Variants in ZNF654 observed in about 807,000 individuals in gnomAD.
ZNF654 encodes zinc finger protein 654.
ZNF654 carries 19 observed loss-of-function variants against 95.3 expected under a neutral mutation model. The ratio of observed to expected loss-of-function variants is 0.20; its 90% CI spans 0.14 to 0.29. The LOEUF (loss-of-function observed/expected upper bound fraction) is 0.29, where lower values mean the gene tolerates loss of function less well. Ranked by LOEUF, ZNF654 falls within the 10% of genes least tolerant of loss-of-function variation. The pLI is 1.00. For missense variants in ZNF654, 1,046 were observed against 1,341.0 expected, an observed-to-expected ratio of 0.78 and a Z score of 3.44; for synonymous variants, 413 against 457.9, an observed-to-expected ratio of 0.90 and a Z score of 1.25.
intron 2 of ZNF654, among the ~76,000 whole-genome samples, chr3:88,110,754 A>G (rs143842832): frequency 1.4e-3 from 206 of 152,272 alleles, no homozygotes; most frequent in African/African-American, 4.8e-3. Context: ...AGGAAATACA[A>G]CAGGTTGGAA....
At chr3:88,070,059 T>C (rs775810967) in intron 1 of ZNF654, among the ~76,000 whole-genome samples, 8 of 152,198 alleles carry the variant, frequency 5.3e-5, no homozygotes, top group Non-Finnish European at 1.2e-4. Context: ...TATTCCATGC[T>C]CATGAGAGTA....
At chr3:88,066,264 A>G (rs2107598125) in intron 1 of ZNF654, among the ~76,000 whole-genome samples, 1 of 152,310 alleles carries the variant, frequency 6.6e-6, no homozygotes, top group South Asian at 2.1e-4. Context: ...ATAACCACTC[A>G]CTACATTGCT....
chr3:88,119,736 T>C (rs1483379981), intron 3 of ZNF654, among the ~76,000 whole-genome samples: 9 of 152,066 alleles, frequency 5.9e-5, no homozygotes, highest in African/African-American at 2.2e-4. Context: ...TCAAGGCCTG[T>C]GTTAGGATGA....
intron 2 of ZNF654, among the ~76,000 whole-genome samples, chr3:88,101,133 G>C (rs764328551): frequency 8.6e-5 from 13 of 152,038 alleles, no homozygotes; most frequent in Admixed American, 2.0e-4. Context: ...TTATTAAAAA[G>C]TATAAAATCC....
chr3:88,138,753 C>T lies in ZNF654; in HGVS notation c.1084C>T (p.Leu362=), dbSNP rs771559548. The T allele has an allele frequency of 9.9e-5, 122 of 1,231,862 alleles. No individual in the cohort carries two copies. The highest frequency in any genetic ancestry group is 1.2e-4 in the Non-Finnish European group (121 of 987,890). 76.3% of individuals were successfully genotyped at this position (1,231,862 alleles called of 1,614,324 possible). A position where few individuals can be genotyped will look rare whatever the true frequency, so the allele number is the denominator to read the frequency against. ...TTGTGTTGAAATATGTGGTTGTGCT[C>T]TACAACTCGACCTTCATGATGATCC... ...QICVEICGCA[L]QLDLHDDPKT... Residue 362 remains leucine (L), a synonymous_variant, in exon 8 of 9, where the codon CTA becomes TTA. Coordinates refer to ENST00000636215, the MANE Select transcript of ZNF654 (RefSeq NM_001350134.2).
chr3:88,138,965 T>G lies in ZNF654; in HGVS notation c.1296T>G (p.Arg432=). ...AAGGCACAAGTAGTGTTCAAAATCG[T>G]GTTCGTTTTGAATTGCTTCCAATTT... ...YNEGTSSVQN[R]VRFELLPILK... is the part of the protein sequence containing the mutation. Residue 432 remains arginine, a synonymous_variant, in exon 8 of 9, where the codon CGT becomes CGG. Coordinates refer to ENST00000636215, the MANE Select transcript of ZNF654 (RefSeq NM_001350134.2). 8.0e-7 allele frequency: 1 copy of G among 1,245,866 alleles called. No homozygotes were observed. 77.2% of individuals were successfully genotyped at this position (1,245,866 alleles called of 1,614,324 possible). A position where few individuals can be genotyped will look rare whatever the true frequency, so the allele number is the denominator to read the frequency against.
intron 1 of ZNF654, among the ~76,000 whole-genome samples, chr3:88,074,314 C>T (rs1455352902): frequency 6.8e-6 from 1 of 147,076 alleles, no homozygotes; most frequent in Non-Finnish European, 1.5e-5. Context: ...AAGGAGAATT[C>T]TTTAACTTCC....
At chr3:88,059,526 C>T in intron 1 of ZNF654, 21 bp downstream of exon 1, 2 of 1,459,464 alleles carry the variant, frequency 1.4e-6, no homozygotes, top group Non-Finnish European at 1.8e-6. Flanking sequence ...CGTTGGCCGC[C>T]CCGACTTGTC....
intron 3 of ZNF654, among the ~76,000 whole-genome samples, chr3:88,115,676 G>A (rs991306303): frequency 1.3e-5 from 2 of 152,006 alleles, no homozygotes; most frequent in African/African-American, 2.4e-5. Flanking sequence ...TTTCCTCTCC[G>A]TTATTTCTAG....
At chr3:88,082,582 G>A (rs142441506) in intron 1 of ZNF654, among the ~76,000 whole-genome samples, 1 of 152,324 alleles carries the variant, frequency 6.6e-6, no homozygotes, top group African/African-American at 2.4e-5. Context: ...TAATACGGAC[G>A]TGAATAGCCA....
chr3:88,093,161 T>C (rs1293724002), intron 2 of ZNF654, among the ~76,000 whole-genome samples: 1 of 152,210 alleles, frequency 6.6e-6, no homozygotes, highest in South Asian at 2.1e-4. Context: ...TGGGGGACTT[T>C]TGCAAATTGA....
At chr3:88,060,149 G>A (rs919256454) in intron 1 of ZNF654, among the ~76,000 whole-genome samples, 1 of 151,898 alleles carries the variant, frequency 6.6e-6, no homozygotes, top group African/African-American at 2.4e-5. Flanking sequence ...GTTGACACAC[G>A]CACTCTTTTC....
rs1354159356 is a variant in ZNF654 at position 88,129,747 on chromosome 3, G to A, written c.814G>A (p.Gly272Ser). ...TATCATCTGTAATGCTGAAAAAGAA[G>A]GCAAAACTATGTTAGCCTTGCAACT... ...IDIICNAEKE[G>S]KTMLALQLCE... Residue 272 changes from glycine to serine, a missense_variant, in exon 6 of 9, where the codon GGC becomes AGC. Gly to Ser is a moderately conservative substitution (Grantham distance 56, BLOSUM62 0). Around this residue, in one of 9 missense-constraint regions of ZNF654, gnomAD observed 121 missense variants for 141.7 expected, o/e 0.85. Transcript: ENST00000636215. 1 of 1,528,710 alleles carries A rather than the reference G, an allele frequency of 6.5e-7. No homozygotes were observed. The highest frequency in any genetic ancestry group is 8.8e-7 in the Non-Finnish European group (1 of 1,141,884). 94.7% of individuals were successfully genotyped at this position (1,528,710 alleles called of 1,614,324 possible).
chr3:88,119,937 A>G (rs1434488791), intron 3 of ZNF654, among the ~76,000 whole-genome samples: 5 of 152,196 alleles, frequency 3.3e-5, no homozygotes, highest in Non-Finnish European at 5.9e-5. Flanking sequence ...AAACTCTGCT[A>G]ATTAAAAGTA....
chr3:88,104,877 G>A lies in ZNF654; in HGVS notation c.333-8238G>A, dbSNP rs144899785. On this transcript the variant is annotated intron_variant, in intron 2 of 8. Coordinates refer to ENST00000636215, the MANE Select transcript of ZNF654 (RefSeq NM_001350134.2). ...AATTCATCCAGGCACAGTGGCTTAC[G>A]CCTGTAATCCCAGCACTTTGGAAGG... Among the ~76,000 whole-genome samples, 336 of 152,296 alleles carry A rather than the reference G, an allele frequency of 2.2e-3. 1 individual carries two copies. The highest frequency in any genetic ancestry group is 4.2e-3 in the Non-Finnish European group (285 of 68,018).
chr3:88,092,599 A>G (rs1703809758), intron 2 of ZNF654, among the ~76,000 whole-genome samples: 1 of 152,180 alleles, frequency 6.6e-6, no homozygotes, highest in Admixed American at 6.5e-5. Flanking sequence ...ACAGATTTCA[A>G]TATATTTATT....
intron 4 of ZNF654, among the ~76,000 whole-genome samples, chr3:88,128,271 G>C (rs1250021284): frequency 3.3e-5 from 5 of 151,978 alleles, no homozygotes; most frequent in Non-Finnish European, 5.9e-5. Flanking sequence ...TTAATAAGCA[G>C]TCCTATTTGG....
intron 3 of ZNF654, among the ~76,000 whole-genome samples, chr3:88,116,134 CT>C (rs1031545860): frequency 1.3e-4 from 20 of 152,196 alleles, no homozygotes; most frequent in African/African-American, 4.8e-4. Context: ...TGTGGTCAAT[CT>C]CATTCTTGTT....
intron 3 of ZNF654, among the ~76,000 whole-genome samples, chr3:88,119,411 A>AGGG (rs1705629599): frequency 1.3e-4 from 5 of 37,230 alleles, no homozygotes; most frequent in Admixed American, 3.6e-4. Flanking sequence ...GGGAGGGGGG[A>AGGG]GGGATAGCAT....
Sources: gnomAD v4.1 joint callset for allele counts (sites outside exome capture counted in the v4.1 genomes callset) on GRCh38, gnomAD v4.1.1 for gene constraint, gnomAD v4.1.1 regional missense constraint, MANE v1.5 for transcripts, NCBI Gene and HGNC (gene_info 2026-07-23, HGNC 2026-07-21) for gene names.